Variants in SMPD3 observed in about 807,000 individuals in gnomAD.
The protein encoded by SMPD3 is sphingomyelin phosphodiesterase 3.
A neutral mutation model predicts 55.7 loss-of-function variants in SMPD3; 21 were observed. The ratio of observed to expected loss-of-function variants is 0.38; its 90% CI spans 0.27 to 0.54. The LOEUF (loss-of-function observed/expected upper bound fraction) is 0.54. Among genes scored for constraint, SMPD3 ranks in the 20% least tolerant of loss-of-function variants. SMPD3 has a pLI of 0.80. For synonymous variants in SMPD3, 457 were observed against 404.3 expected, an observed-to-expected ratio of 1.13 and a Z score of -1.56; for missense variants, 842 against 899.6, an observed-to-expected ratio of 0.94 and a Z score of 0.82.
intron 1 of SMPD3, among the ~76,000 whole-genome samples, chr16:68,401,344 A>G (rs890567464): frequency 2.2e-4 from 33 of 152,224 alleles, no homozygotes; most frequent in Middle Eastern, 3.4e-3. Flanking sequence ...TTTCTGAGCC[A>G]ATTTTTTAGG....
chr16:68,413,226 C>T (rs1037624851), intron 1 of SMPD3, among the ~76,000 whole-genome samples: 4 of 152,176 alleles, frequency 2.6e-5, no homozygotes, highest in African/African-American at 9.7e-5. Flanking sequence ...CTGTGGGGAC[C>T]GATTTTCTGC....
chr16:68,415,978 T>C (rs1255347509), intron 1 of SMPD3, among the ~76,000 whole-genome samples: 1 of 152,168 alleles, frequency 6.6e-6, no homozygotes, highest in African/African-American at 2.4e-5. Context: ...TCTGAAATGA[T>C]TGATTATCCA....
chr16:68,361,681 C>T lies in SMPD3; in HGVS notation c.1788G>A (p.Lys596=). Residue 596 remains lysine (K), a synonymous_variant, in exon 8 of 9, where the codon AAG becomes AAA. Coordinates refer to ENST00000219334, the MANE Select transcript of SMPD3 (RefSeq NM_018667.4). The part of the protein sequence containing the change: ...TSKSSGQKGR[K]ELLKGNGRRI... ...GCCGGCCGTTGCCCTTCAGCAGCTC[C>T]TTCCGCCCCTTCTGGCCCGAGCTCT... 6.2e-7 allele frequency: 1 copy of T among 1,612,806 alleles called. No individual in the cohort carries two copies. Among genetic ancestry groups the T allele is most frequent in the Non-Finnish European group, 8.5e-7 (1 of 1,179,866 alleles).
intron 1 of SMPD3, among the ~76,000 whole-genome samples, chr16:68,438,878 AGTCAGATTGCCTGGGTTGGGG>A (rs1164217209): frequency 1.3e-5 from 2 of 152,226 alleles, no homozygotes; most frequent in African/African-American, 4.8e-5. Context: ...CAGGCTCTGC[AGTCAGATTGCCTGGGTTGGGG>A]TCCTGGTCCT....
intron 1 of SMPD3, among the ~76,000 whole-genome samples, chr16:68,443,001 G>T (rs1013311309): frequency 6.6e-6 from 1 of 152,200 alleles, no homozygotes; most frequent in Non-Finnish European, 1.5e-5. Flanking sequence ...TTTCTTAAAA[G>T]TCTAACCCCT....
In SMPD3 at chr16:68,359,078, C is replaced by T. The variant is rs1399159758; in HGVS notation, c.*2128G>A. ...GGAGGGGAGGAGCATGCAGCCCTGA[C>T]TCCCACGCCTGCTGCCCCGGGAGGG... On this transcript the variant is annotated 3_prime_UTR_variant, in exon 9 of 9. Transcript: ENST00000219334. 6.6e-6 allele frequency: 1 copy of T among 152,632 alleles called. No homozygotes were observed. The highest frequency in any genetic ancestry group is 1.5e-5 in the Non-Finnish European group (1 of 68,128). 9.5% of individuals were successfully genotyped at this position (152,632 alleles called of 1,614,324 possible). A position where few individuals can be genotyped will look rare whatever the true frequency, so the allele number is the denominator to read the frequency against.
At chr16:68,428,425 C>T (rs1195702437) in intron 1 of SMPD3, among the ~76,000 whole-genome samples, 5 of 152,362 alleles carry the variant, frequency 3.3e-5, no homozygotes, top group Admixed American at 2.6e-4. Flanking sequence ...CCGCTCCTGC[C>T]CCATTCTGCA....
intron 3 of SMPD3, chr16:68,369,707 A>G (rs1192192260): frequency 6.6e-6 from 1 of 152,284 alleles, no homozygotes. Context: ...AATGAAGAGC[A>G]GAGGACCCAA....
At chr16:68,382,268 G>C (rs1395268708) in intron 2 of SMPD3, 1 of 152,278 alleles carries the variant, frequency 6.6e-6, no homozygotes, top group Non-Finnish European at 1.5e-5. Context: ...GGGGCAGGAG[G>C]CAACACTGGG....
chr16:68,391,872 C>T (rs192113305), intron 1 of SMPD3, among the ~76,000 whole-genome samples: 253 of 152,300 alleles, frequency 1.7e-3, no homozygotes, highest in African/African-American at 5.5e-3. Flanking sequence ...TACGATGGTG[C>T]GACTTAAGAA....
intron 1 of SMPD3, among the ~76,000 whole-genome samples, chr16:68,394,993 G>T (rs2090143123): frequency 6.6e-6 from 1 of 151,976 alleles, no homozygotes; most frequent in African/African-American, 2.4e-5. Context: ...AATGGCTGCA[G>T]TGCAGAAGAG....
At chr16:68,401,733 C>T (rs2090207715) in intron 1 of SMPD3, among the ~76,000 whole-genome samples, 5 of 152,190 alleles carry the variant, frequency 3.3e-5, no homozygotes, top group Non-Finnish European at 1.5e-5. Flanking sequence ...ACAAGGCAGG[C>T]TGTCATACCA....
In SMPD3 at chr16:68,365,606, C is replaced by T. The variant is rs570357032; in HGVS notation, c.1324-514G>A. ...CAGACCCTGCCCCTCCTGGCCTCGT[C>T]GCCTTCTGGCTGCATGGTGAGTCAT... On this transcript the variant is annotated intron_variant, in intron 3 of 8. Coordinates refer to ENST00000219334, the MANE Select transcript of SMPD3 (RefSeq NM_018667.4). 6.6e-5 allele frequency among the ~76,000 whole-genome samples: 10 copies of T among 152,310 alleles called. No homozygotes were observed. The East Asian group carries it at 1.4e-3, about 21-fold the overall frequency.
At chr16:68,392,717 C>T (rs1024750642) in intron 1 of SMPD3, among the ~76,000 whole-genome samples, 1 of 149,918 alleles carries the variant, frequency 6.7e-6, no homozygotes, top group Non-Finnish European at 1.5e-5. Context: ...AAAAATTAGC[C>T]GGGTATGGTG....
intron 1 of SMPD3, among the ~76,000 whole-genome samples, chr16:68,427,369 C>T (rs372483469): frequency 3.6e-4 from 55 of 152,236 alleles, no homozygotes; most frequent in Non-Finnish European, 7.2e-4. Context: ...ACTTGCCAGA[C>T]GGCAAGGAAG....
At chr16:68,380,104 G>A (rs187526350) in intron 2 of SMPD3, among the ~76,000 whole-genome samples, 12 of 152,324 alleles carry the variant, frequency 7.9e-5, no homozygotes, top group Admixed American at 7.2e-4. Context: ...TCATCTATTA[G>A]TGACCACAAA....
intron 1 of SMPD3, among the ~76,000 whole-genome samples, chr16:68,438,710 A>T (rs1048992987): frequency 4.4e-4 from 67 of 151,748 alleles, no homozygotes; most frequent in Non-Finnish European, 2.1e-4. Context: ...CATCCCACTC[A>T]CCCCTCAGAG....
intron 1 of SMPD3, among the ~76,000 whole-genome samples, chr16:68,410,009 A>T (rs1471050137): frequency 1.3e-5 from 2 of 152,124 alleles, no homozygotes; most frequent in African/African-American, 4.8e-5. Flanking sequence ...GAGGTTAGTC[A>T]CCCATGTGGG....
intron 4 of SMPD3, 39 bp from the exon 5 acceptor site, chr16:68,364,945 G>T (rs200786486): frequency 5.0e-6 from 8 of 1,612,784 alleles, no homozygotes; most frequent in South Asian, 1.1e-5. Context: ...GATGAAGTTC[G>T]CCCCAGACCC....
Sources: gnomAD v4.1 joint callset for allele counts (sites outside exome capture counted in the v4.1 genomes callset) on GRCh38, gnomAD v4.1.1 for gene constraint, MANE v1.5 for transcripts, NCBI Gene and HGNC (gene_info 2026-07-23, HGNC 2026-07-21) for gene names.